The following GNA12 variants were observed in gnomAD, a reference collection of about 807,000 sequenced individuals.
GNA12 encodes G protein subunit alpha 12, also known as guanine nucleotide-binding protein subunit alpha-12.
Under a neutral mutation model 26.0 loss-of-function variants are expected in GNA12, and 9 were observed. That is an observed-to-expected ratio of 0.35 (90% CI 0.21 to 0.60). GNA12 has a LOEUF of 0.60. Ranked by LOEUF, GNA12 falls within the 20% of genes least tolerant of loss-of-function variation. The pLI, the probability that GNA12 is intolerant of heterozygous loss-of-function variation, is 0.78. For synonymous variants in GNA12, 264 were observed against 219.6 expected (o/e 1.20, Z -1.79); for missense variants, 405 against 525.8 (o/e 0.77, Z 2.25).
At chr7:2,766,932 A>G (rs1285041150) in intron 2 of GNA12, among the ~76,000 whole-genome samples, 1 of 152,130 alleles carries the variant, frequency 6.6e-6, no homozygotes, top group Non-Finnish European at 1.5e-5. Flanking sequence ...TAGCCATTCT[A>G]ATGGATGTGT....
chr7:2,819,880 G>A (rs1793306517), intron 1 of GNA12, among the ~76,000 whole-genome samples: 1 of 152,084 alleles, frequency 6.6e-6, no homozygotes, highest in African/African-American at 2.4e-5. Context: ...CCACTCCTAG[G>A]AATACACCCA....
intron 2 of GNA12, among the ~76,000 whole-genome samples, chr7:2,783,302 C>A (rs554863878): frequency 6.6e-6 from 1 of 152,186 alleles, no homozygotes; most frequent in East Asian, 1.9e-4. Flanking sequence ...CTGGATCCAT[C>A]GCACAGGGGT....
At chr7:2,782,574 G>T (rs767039042) in intron 2 of GNA12, among the ~76,000 whole-genome samples, 1 of 151,992 alleles carries the variant, frequency 6.6e-6, no homozygotes, top group Non-Finnish European at 1.5e-5. Context: ...GAAAGTTCAC[G>T]TCTACCTTTT....
At chr7:2,754,373 T>C (rs1350856581) in intron 2 of GNA12, among the ~76,000 whole-genome samples, 1 of 152,160 alleles carries the variant, frequency 6.6e-6, no homozygotes, top group Non-Finnish European at 1.5e-5. Context: ...GTTTTCTAGA[T>C]AATGAGTCCT....
At chr7:2,832,889 G>T (rs563790934) in intron 1 of GNA12, among the ~76,000 whole-genome samples, 1 of 152,264 alleles carries the variant, frequency 6.6e-6, no homozygotes, top group African/African-American at 2.4e-5. Context: ...TCCTCTGGAT[G>T]CCGCACTTCC....
In GNA12 at chr7:2,731,914, G is replaced by A. The variant is rs1350976268; in HGVS notation, c.577-164C>T. ...TCATTTATAACATTATCAACTGGCCGTGAAACAGAAAGAATCAAATACTTC... is the reference window on the plus strand; with the variant it reads ...TCATTTATAACATTATCAACTGGCCATGAAACAGAAAGAATCAAATACTTC... On this transcript the variant is annotated intron_variant, in intron 3 of 3. Coordinates refer to ENST00000275364, the MANE Select transcript of GNA12 (RefSeq NM_007353.3). The surrounding 1 kb of genome is among the most constrained non-coding windows in gnomAD (Gnocchi z 6.0). 6.6e-6 allele frequency among the ~76,000 whole-genome samples: 1 copy of A among 152,200 alleles called. No homozygotes were observed. The highest frequency in any genetic ancestry group is 2.1e-4 in the South Asian group (1 of 4,824).
At chr7:2,783,456 TCACCCTCTGAGGTCCC>T (rs1792279449) in intron 2 of GNA12, among the ~76,000 whole-genome samples, 1 of 152,006 alleles carries the variant, frequency 6.6e-6, no homozygotes, top group Non-Finnish European at 1.5e-5. Flanking sequence ...CCATTCATCC[TCACCCTCTGAGGTCCC>T]CATTCATTAC....
rs138828191 is a variant in GNA12, at chr7:2,801,873, G to A, written c.310-6730C>T. Among the ~76,000 whole-genome samples, 21 of 152,290 alleles carry A rather than the reference G, an allele frequency of 1.4e-4. No homozygotes were observed. In the East Asian group the frequency reaches 3.1e-3, roughly 22 times the overall value. On this transcript the variant is annotated intron_variant, in intron 1 of 3. Transcript: ENST00000275364. ...CTTTTCTTCCTTTTTAGAGAGAGAC[G>A]TAAGCTCTCTCTGGAGTTTAAAGCC...
In GNA12 at chr7:2,795,062, G is replaced by C. The variant is rs1301833404; in HGVS notation, c.391C>G (p.Leu131Val). The stretch of plus-strand genomic sequence containing the variant: ...CCCGCCTTGTTCTCGAAGGCCATCA[G>C]GAACATCCCATGCTTCTCATTTTCA... ...YSENEKHGMF[L>V]MAFENKAGLP... Residue 131 changes from leucine to valine, a missense_variant, in exon 2 of 4, where the codon CTG becomes GTG. Leu to Val is a conservative substitution (Grantham distance 32). Transcript: ENST00000275364. 1.9e-6 allele frequency: 3 copies of C among 1,613,756 alleles called. No individual in the cohort carries two copies. In the African/African-American group the frequency reaches 4.0e-5, roughly 22 times the overall value.
chr7:2,780,048 G>GTGTGTGTATATATA (rs748113158), intron 2 of GNA12, among the ~76,000 whole-genome samples: 2 of 84,734 alleles, frequency 2.4e-5, no homozygotes, highest in Non-Finnish European at 4.5e-5. Flanking sequence ...ACATTTCTGT[G>GTGTGTGTATATATA]TACATATATA....
In GNA12 at chr7:2,728,316, C is replaced by T. The variant is rs942596078; in HGVS notation, c.*2865G>A. 2.6e-5 allele frequency: 4 copies of T among 152,240 alleles called. No homozygotes were observed. Among genetic ancestry groups the T allele is most frequent in the African/African-American group, 9.7e-5 (4 of 41,434 alleles). The allele number at this position is 152,240 out of a possible 1,614,324, so 9.4% of individuals were successfully genotyped here. A position where few individuals can be genotyped will look rare whatever the true frequency, so the allele number is the denominator to read the frequency against. ...GTGCCCAGAACCCCTAAATTAGTTACAACTAATAATCTTCTTTCAAGAGTT... is the reference window on the plus strand; with the variant it reads ...GTGCCCAGAACCCCTAAATTAGTTATAACTAATAATCTTCTTTCAAGAGTT... On this transcript the variant is annotated 3_prime_UTR_variant, in exon 4 of 4. Transcript: ENST00000275364.
chr7:2,752,701 A>C (rs1022603439), intron 2 of GNA12, among the ~76,000 whole-genome samples: 2 of 152,240 alleles, frequency 1.3e-5, no homozygotes, highest in African/African-American at 4.8e-5. Flanking sequence ...TTCCGTTTTT[A>C]ATAGTACTAA....
At chr7:2,758,936 T>C (rs1357300658) in intron 2 of GNA12, among the ~76,000 whole-genome samples, 3 of 151,786 alleles carry the variant, frequency 2.0e-5, no homozygotes, top group Non-Finnish European at 4.4e-5. Flanking sequence ...AGGTCAGGAG[T>C]TCGAGACCAG....
intron 1 of GNA12, among the ~76,000 whole-genome samples, chr7:2,807,954 C>T (rs370447511): frequency 1.4e-4 from 21 of 152,262 alleles, no homozygotes; most frequent in African/African-American, 3.9e-4. Context: ...GGAGGAGCTA[C>T]GATGAATTAT....
rs538445648 is a variant in GNA12 at position 2,824,654 on chromosome 7, A to G, written c.309+19199T>C. Among the ~76,000 whole-genome samples, 3 of 152,302 alleles carry G rather than the reference A, an allele frequency of 2.0e-5. No individual in the cohort carries two copies. The East Asian group carries it at 5.8e-4, about 29-fold the overall frequency. On this transcript the variant is annotated intron_variant, in intron 1 of 3. Transcript: ENST00000275364. ...TTGATATACAGAAGGTGCTCGATAAATATCAGCTGATTCACCGACTTATTA... is the reference window on the plus strand; with the variant it reads ...TTGATATACAGAAGGTGCTCGATAAGTATCAGCTGATTCACCGACTTATTA...
Position 2,730,620 on chromosome 7 carries a change from T to C in GNA12, c.*561A>G. ...AGTTTGAAAAGGCAACGTGCTCCCT[T>C]TGGGAGGTGGCCTTCAGACACTGCG... On this transcript the variant is annotated 3_prime_UTR_variant, in exon 4 of 4. Coordinates refer to ENST00000275364, the MANE Select transcript of GNA12 (RefSeq NM_007353.3). 1 of 152,866 alleles carries C rather than the reference T, an allele frequency of 6.5e-6. No individual in the cohort carries two copies. Among genetic ancestry groups the C allele is most frequent in the Non-Finnish European group, 1.5e-5 (1 of 68,364 alleles). 9.5% of individuals were successfully genotyped at this position (152,866 alleles called of 1,614,324 possible).
rs1221319404 is a variant in GNA12 at position 2,729,783 on chromosome 7, C to A, written c.*1398G>T. ...AAATGCTAGGACACATCCCAAAACA[C>A]ACTAGGCAGGATTTCTCAGTAGAGT... On this transcript the variant is annotated 3_prime_UTR_variant, in exon 4 of 4. Transcript: ENST00000275364. 2 of 152,402 alleles carry A rather than the reference C, an allele frequency of 1.3e-5. No homozygotes were observed. The highest frequency in any genetic ancestry group is 4.8e-5 in the African/African-American group (2 of 41,454). 9.4% of individuals were successfully genotyped at this position (152,402 alleles called of 1,614,324 possible).
At position 2,731,303 on chromosome 7, in the gene GNA12, G is replaced by T; in HGVS notation, c.1024C>A (p.Arg342Ser). The T allele has an allele frequency of 6.2e-7, 1 of 1,613,846 alleles. No homozygotes were observed. Among genetic ancestry groups the T allele is most frequent in the Non-Finnish European group, 8.5e-7 (1 of 1,179,902 alleles). The change falls in exon 4 of 4, where the codon CGC (arginine) becomes AGC (serine). Residue 342 changes from arginine (R) to serine (S), a missense_variant. Coordinates refer to ENST00000275364, the MANE Select transcript of GNA12 (RefSeq NM_007353.3). This position sits in a 1 kb window ranked among gnomAD's most constrained non-coding sequence, Gnocchi z 6.0. ...VQCFDRKRRN[R>S]SKPLFHHFTT... ...AAGTGGTGGAAGAGTGGCTTGCTGC[G>T]GTTCCGTCTCTTCCTGTCGAAGCAC...
intron 2 of GNA12, among the ~76,000 whole-genome samples, chr7:2,776,642 A>G (rs1014205670): frequency 6.6e-6 from 1 of 152,228 alleles, no homozygotes; most frequent in African/African-American, 2.4e-5. Flanking sequence ...GCAGGCTGGC[A>G]TAAGGATTAC....
Sources: allele counts gnomAD v4.1 joint callset (sites outside exome capture counted in the v4.1 genomes callset), GRCh38; gene constraint gnomAD v4.1.1; non-coding constraint Gnocchi (gnomAD v3.1); transcripts MANE v1.5; gene names NCBI Gene and HGNC (gene_info 2026-07-23, HGNC 2026-07-21).